The following RSPO2 variants were observed in gnomAD, a reference collection of about 807,000 sequenced individuals.
The protein encoded by RSPO2 is R-spondin 2.
RSPO2 carries 14 observed loss-of-function variants against 30.9 expected under a neutral mutation model. That is an observed-to-expected ratio of 0.45 (90% CI 0.30 to 0.71). The LOEUF is 0.71. Among genes scored for constraint, RSPO2 ranks in the 30% least tolerant of loss-of-function variants. RSPO2 has a pLI of 0.08. For synonymous variants in RSPO2, 107 were observed against 96.4 expected (o/e 1.11, Z -0.64); for missense variants, 264 against 301.9 (o/e 0.87, Z 0.93).
intron 2 of RSPO2, chr8:107,997,244 A>C (rs1007291435): frequency 6.1e-6 from 1 of 164,280 alleles, no homozygotes; most frequent in East Asian, 1.8e-4. Flanking sequence ...GTCTAAACAC[A>C]GGCAAAAAAT....
chr8:108,035,645 G>T (rs1811573211), intron 2 of RSPO2, among the ~76,000 whole-genome samples: 1 of 151,958 alleles, frequency 6.6e-6, no homozygotes, highest in South Asian at 2.1e-4. Context: ...TAATTTTTTT[G>T]TATTTTTAGT....
At chr8:108,057,933 T>C (rs950299703) in intron 2 of RSPO2, among the ~76,000 whole-genome samples, 15 of 152,194 alleles carry the variant, frequency 9.9e-5, no homozygotes, top group Non-Finnish European at 1.8e-4. Flanking sequence ...AGGGACAATT[T>C]GACTTCCTCT....
At chr8:107,913,090 A>G (rs1811872062) in intron 5 of RSPO2, among the ~76,000 whole-genome samples, 1 of 151,648 alleles carries the variant, frequency 6.6e-6, no homozygotes, top group African/African-American at 2.4e-5. Flanking sequence ...TAAGGTGAAG[A>G]TATCCCAAAT....
At position 107,899,918 on chromosome 8, in the gene RSPO2, T is replaced by TATC. The variant is rs1455924888; in HGVS notation, c.*1154_*1156dup. 1.3e-5 allele frequency: 2 copies of TATC among 152,336 alleles called. No homozygotes were observed. Among genetic ancestry groups the TATC allele is most frequent in the African/African-American group, 4.8e-5 (2 of 41,574 alleles). 9.4% of individuals were successfully genotyped at this position (152,336 alleles called of 1,614,324 possible). A position where few individuals can be genotyped will look rare whatever the true frequency, so the allele number is the denominator to read the frequency against. ...TGGCAGTCACAGAAATTCATCCTTT[T>TATC]ATCTCCTAAAATTCTATGCCCAGGC... On this transcript the variant is annotated 3_prime_UTR_variant, in exon 6 of 6. Transcript: ENST00000276659.
At chr8:108,072,319 CTTTTTTTT>C (rs34402426) in intron 2 of RSPO2, among the ~76,000 whole-genome samples, 2 of 84,274 alleles carry the variant, frequency 2.4e-5, no homozygotes, top group Non-Finnish European at 4.4e-5. Context: ...TGGCAGAGAA[CTTTTTTTT>C]TTTTTTTTTT....
At chr8:107,916,086 T>C (rs1417997705) in intron 5 of RSPO2, among the ~76,000 whole-genome samples, 6 of 152,164 alleles carry the variant, frequency 3.9e-5, no homozygotes, top group Admixed American at 1.3e-4. Flanking sequence ...TATGTGATGT[T>C]TATATATAAA....
Position 107,982,013 on chromosome 8 carries a change from A to G in RSPO2, c.283+7043T>C, listed in dbSNP as rs975955481. Among the ~76,000 whole-genome samples the G allele has an allele frequency of 1.7e-3, 243 of 140,680 alleles. 1 individual carries two copies. Among genetic ancestry groups the G allele is most frequent in the Admixed American group, 0.014 (196 of 14,442 alleles). 92.3% of individuals were successfully genotyped at this position (140,680 alleles called of 152,430 possible). On this transcript the variant is annotated intron_variant, in intron 3 of 5. Coordinates refer to ENST00000276659, the MANE Select transcript of RSPO2 (RefSeq NM_178565.5). ...ACTGTGCAACAACAACAACAACAAA[A>G]AAAAAAAAAAAAAAAAAAAGGAAGG...
At chr8:108,070,278 CTTTTTTTTTTT>C (rs1050611219) in intron 2 of RSPO2, among the ~76,000 whole-genome samples, 3 of 81,204 alleles carry the variant, frequency 3.7e-5, no homozygotes, top group African/African-American at 4.8e-5. Context: ...GACCCCATCT[CTTTTTTTTTTT>C]TTTTTTTTTT....
At chr8:107,915,246 T>G (rs1221848675) in intron 5 of RSPO2, among the ~76,000 whole-genome samples, 1 of 152,190 alleles carries the variant, frequency 6.6e-6, no homozygotes, top group African/African-American at 2.4e-5. Flanking sequence ...AAAATCTGGA[T>G]ATTTAAAAAT....
intron 2 of RSPO2, among the ~76,000 whole-genome samples, chr8:108,043,585 A>G (rs1285621818): frequency 1.5e-5 from 2 of 130,316 alleles, no homozygotes; most frequent in Non-Finnish European, 3.2e-5. Flanking sequence ...ACTTTGGGGG[A>G]AAAAAGTATC....
intron 3 of RSPO2, among the ~76,000 whole-genome samples, chr8:107,976,535 G>T (rs1030330261): frequency 8.5e-5 from 13 of 152,282 alleles, no homozygotes; most frequent in African/African-American, 3.1e-4. Context: ...GAGACAGGCT[G>T]GTCTGGAATG....
intron 2 of RSPO2, among the ~76,000 whole-genome samples, chr8:108,044,034 T>C (rs1242889610): frequency 6.6e-6 from 1 of 152,094 alleles, no homozygotes; most frequent in African/African-American, 2.4e-5. Context: ...AGTAGGGTCT[T>C]AATAGATTTT....
intron 2 of RSPO2, among the ~76,000 whole-genome samples, chr8:108,068,359 C>T (rs569326842): frequency 9.9e-5 from 15 of 152,256 alleles, no homozygotes; most frequent in Admixed American, 7.2e-4. Context: ...AATATTCTTG[C>T]TTTATGTCCA....
intron 2 of RSPO2, among the ~76,000 whole-genome samples, chr8:108,043,851 C>A (rs1302611337): frequency 6.6e-6 from 1 of 151,898 alleles, no homozygotes; most frequent in Non-Finnish European, 1.5e-5. Flanking sequence ...GTTACTTGTG[C>A]AAAACATTGT....
chr8:107,906,699 G>C (rs570770284), intron 5 of RSPO2, among the ~76,000 whole-genome samples: 5 of 152,038 alleles, frequency 3.3e-5, no homozygotes, highest in African/African-American at 1.2e-4. Flanking sequence ...ATGATGAGCA[G>C]GACTGGGATC....
chr8:107,919,021 G>T (rs1427086532), intron 5 of RSPO2, among the ~76,000 whole-genome samples: 2 of 152,004 alleles, frequency 1.3e-5, no homozygotes, highest in African/African-American at 4.8e-5. Flanking sequence ...ACCCTAGTCG[G>T]TATTAAAACT....
intron 5 of RSPO2, among the ~76,000 whole-genome samples, chr8:107,907,677 T>C (rs1485806703): frequency 6.6e-6 from 1 of 152,108 alleles, no homozygotes; most frequent in East Asian, 1.9e-4. Context: ...TCTCTCAACA[T>C]ACAAATGTGA....
At position 107,982,324 on chromosome 8, in the gene RSPO2, C is replaced by T. The variant is rs554850441; in HGVS notation, c.283+6732G>A. Reference sequence around the variant, plus strand: ...CTTAATTTCAGCATATTTCTGATACCTTCCTGGTACATGACAAAAAAGAAT... The same window carrying T: ...CTTAATTTCAGCATATTTCTGATACTTTCCTGGTACATGACAAAAAAGAAT... On this transcript the variant is annotated intron_variant, in intron 3 of 5. Coordinates refer to ENST00000276659, the MANE Select transcript of RSPO2 (RefSeq NM_178565.5). Among the ~76,000 whole-genome samples the T allele has an allele frequency of 2.4e-4, 36 of 152,116 alleles. No individual in the cohort carries two copies. In the South Asian group the frequency reaches 3.3e-3, roughly 14 times the overall value.
intron 5 of RSPO2, among the ~76,000 whole-genome samples, chr8:107,909,121 T>G (rs1256938473): frequency 6.6e-6 from 1 of 152,182 alleles, no homozygotes; most frequent in Non-Finnish European, 1.5e-5. Flanking sequence ...AGTCCACTTC[T>G]GCAAGGTGGT....
Sources: gnomAD v4.1 joint callset for allele counts (sites outside exome capture counted in the v4.1 genomes callset) on GRCh38, gnomAD v4.1.1 for gene constraint, MANE v1.5 for transcripts, NCBI Gene and HGNC (gene_info 2026-07-23, HGNC 2026-07-21) for gene names.